Variants in TBC1D12 observed in about 807,000 individuals in gnomAD.
TBC1D12 encodes the protein TBC1 domain family member 12.
TBC1D12 carries 56 observed loss-of-function variants against 86.7 expected under a neutral mutation model. The ratio of observed to expected loss-of-function variants is 0.65; its 90% CI spans 0.52 to 0.81. The LOEUF (loss-of-function observed/expected upper bound fraction) is 0.81. TBC1D12 is among the 30% of genes least tolerant of loss of function. The pLI is 0.00. For synonymous variants in TBC1D12, 421 were observed against 411.7 expected (o/e 1.02, Z -0.27); for missense variants, 1,023 against 1,038.8 (o/e 0.98, Z 0.21).
chr10:94,451,089 G>A (rs1267061868), intron 2 of TBC1D12, among the ~76,000 whole-genome samples: 1 of 151,990 alleles, frequency 6.6e-6, no homozygotes, highest in Non-Finnish European at 1.5e-5. Flanking sequence ...ATTATAGCTA[G>A]ATAGAAGGAA....
In TBC1D12 at chr10:94,517,260, C is replaced by A. The variant is rs1471739619; in HGVS notation, c.1762-4695C>A. On this transcript the variant is annotated intron_variant, in intron 9 of 12. Coordinates refer to ENST00000225235, the MANE Select transcript of TBC1D12 (RefSeq NM_015188.2). ...GGGTGTGGAGGCGCATGCCTGTAAT[C>A]CCAGCTACTCAGGAGGCTGAGCCAC... Among the ~76,000 whole-genome samples the A allele has an allele frequency of 3.3e-5, 5 of 152,200 alleles. No individual in the cohort carries two copies. In the South Asian group the frequency reaches 1.0e-3, roughly 32 times the overall value.
At chr10:94,494,366 G>C (rs2056286855) in intron 4 of TBC1D12, among the ~76,000 whole-genome samples, 1 of 152,028 alleles carries the variant, frequency 6.6e-6, no homozygotes, top group African/African-American at 2.4e-5. Flanking sequence ...ATAGTATACA[G>C]TTCTGCTTTA....
chr10:94,436,691 C>T (rs556633544), intron 1 of TBC1D12, among the ~76,000 whole-genome samples: 2 of 151,790 alleles, frequency 1.3e-5, no homozygotes, highest in Admixed American at 6.6e-5. Flanking sequence ...TTCTCACATA[C>T]CTTGTATTTT....
At chr10:94,495,774 A>G (rs1001760537) in intron 4 of TBC1D12, among the ~76,000 whole-genome samples, 4 of 152,046 alleles carry the variant, frequency 2.6e-5, no homozygotes, top group African/African-American at 7.3e-5. Context: ...AAGAAATCTT[A>G]TATAGAATAT....
chr10:94,463,453 T>C (rs147810883), intron 2 of TBC1D12, among the ~76,000 whole-genome samples: 1 of 152,280 alleles, frequency 6.6e-6, no homozygotes, highest in East Asian at 1.9e-4. Context: ...CCTTTTCTTA[T>C]AAAGCTACCA....
intron 2 of TBC1D12, among the ~76,000 whole-genome samples, chr10:94,454,851 T>C (rs939150294): frequency 7.9e-5 from 12 of 152,228 alleles, no homozygotes; most frequent in Admixed American, 3.9e-4. Flanking sequence ...TTATTTCTTC[T>C]TTCCCAATTA....
Position 94,496,934 on chromosome 10 carries a change from T to C in TBC1D12, c.1295-121T>C, listed in dbSNP as rs533633934. 1.5e-5 allele frequency: 7 copies of C among 481,072 alleles called. No individual in the cohort carries two copies. The Admixed American group carries it at 1.8e-4, about 12-fold the overall frequency. The allele number at this position is 481,072 out of a possible 1,614,324, so 29.8% of individuals were successfully genotyped here. On this transcript the variant is annotated intron_variant, in intron 4 of 12. Transcript: ENST00000225235. ...CCTGTCCCTCCCTCCCTTATTTCCTTCCTTCCTCTTATGATAATATTCTTT... is the reference window on the plus strand; with the variant it reads ...CCTGTCCCTCCCTCCCTTATTTCCTCCCTTCCTCTTATGATAATATTCTTT...
chr10:94,435,458 CTAA>C (rs1477145598), intron 1 of TBC1D12, among the ~76,000 whole-genome samples: 5 of 152,172 alleles, frequency 3.3e-5, no homozygotes, highest in Non-Finnish European at 7.3e-5. Context: ...TCCCTTATTA[CTAA>C]TGAGGCTAAA....
At chr10:94,487,606 A>G (rs747101843) in intron 3 of TBC1D12, among the ~76,000 whole-genome samples, 4 of 151,670 alleles carry the variant, frequency 2.6e-5, no homozygotes, top group Admixed American at 6.6e-5. Context: ...AAAACTTTAC[A>G]CTTCAACCTC....
At chr10:94,515,339 T>A (rs2056578361) in intron 9 of TBC1D12, among the ~76,000 whole-genome samples, 2 of 151,724 alleles carry the variant, frequency 1.3e-5, no homozygotes, top group African/African-American at 4.8e-5. Context: ...GGTTTGGTTT[T>A]TTTGTTTTGT....
At chr10:94,435,572 G>A (rs1356119029) in intron 1 of TBC1D12, among the ~76,000 whole-genome samples, 1 of 152,096 alleles carries the variant, frequency 6.6e-6, no homozygotes, top group Non-Finnish European at 1.5e-5. Flanking sequence ...GGTTAGTGGA[G>A]TTCTTTGTAT....
At chr10:94,513,691 G>A (rs371003461) in intron 9 of TBC1D12, among the ~76,000 whole-genome samples, 138 of 152,024 alleles carry the variant, frequency 9.1e-4, no homozygotes, top group African/African-American at 3.2e-3. Flanking sequence ...AGCCTCCCAG[G>A]TAGCTGGGAC....
chr10:94,523,043 C>CAAAAAAA (rs35912130), intron 11 of TBC1D12, among the ~76,000 whole-genome samples: 1 of 64,646 alleles, frequency 1.5e-5, no homozygotes, highest in African/African-American at 6.4e-5. Context: ...GACTCCAGCT[C>CAAAAAAA]AAAAAAAAAA....
intron 3 of TBC1D12, among the ~76,000 whole-genome samples, chr10:94,478,691 C>A (rs1232606347): frequency 1.3e-5 from 2 of 152,222 alleles, no homozygotes; most frequent in African/African-American, 4.8e-5. Context: ...AGAGCCATCA[C>A]AAACTCCAAC....
chr10:94,441,869 A>G, intron 1 of TBC1D12, 27 bp from the exon 2 acceptor site: 3 of 1,600,440 alleles, frequency 1.9e-6, no homozygotes, highest in Non-Finnish European at 2.6e-6. Flanking sequence ...CAAAAAACAC[A>G]ATTCATGTAA....
intron 3 of TBC1D12, among the ~76,000 whole-genome samples, chr10:94,481,835 GA>G (rs1478368840): frequency 6.6e-6 from 1 of 151,744 alleles, no homozygotes; most frequent in Non-Finnish European, 1.5e-5. Context: ...GTACGTAGTA[GA>G]TAAATATATT....
chr10:94,521,635 A>C (rs1033836504), intron 9 of TBC1D12, among the ~76,000 whole-genome samples: 1 of 152,194 alleles, frequency 6.6e-6, no homozygotes, highest in Non-Finnish European at 1.5e-5. Flanking sequence ...TCTGTACTCT[A>C]TTTTGAAAGA....
At position 94,450,949 on chromosome 10, in the gene TBC1D12, A is replaced by G. The variant is rs1341727655; in HGVS notation, c.1095+8930A>G. Among the ~76,000 whole-genome samples the G allele has an allele frequency of 2.6e-5, 4 of 152,224 alleles. No homozygotes were observed. The East Asian group carries it at 7.7e-4, about 29-fold the overall frequency. The stretch of plus-strand genomic sequence containing the variant: ...ACACCACAAGTTCTCACTTACATGT[A>G]GGACCCAAAAAAGAAAGTTGATCTC... On this transcript the variant is annotated intron_variant, in intron 2 of 12. Coordinates refer to ENST00000225235, the MANE Select transcript of TBC1D12 (RefSeq NM_015188.2).
At chr10:94,516,429 T>A (rs991304606) in intron 9 of TBC1D12, among the ~76,000 whole-genome samples, 13 of 152,182 alleles carry the variant, frequency 8.5e-5, no homozygotes, top group South Asian at 2.1e-4. Flanking sequence ...TTGTTTTTTT[T>A]AAAATTATAC....
Sources: gnomAD v4.1 joint callset for allele counts (sites outside exome capture counted in the v4.1 genomes callset) on GRCh38, gnomAD v4.1.1 for gene constraint, MANE v1.5 for transcripts, NCBI Gene and HGNC (gene_info 2026-07-23, HGNC 2026-07-21) for gene names.